Variants in FRMPD4 observed in about 807,000 individuals in gnomAD.
The protein encoded by FRMPD4 is FERM and PDZ domain-containing protein 4.
Under a neutral mutation model 94.1 loss-of-function variants are expected in FRMPD4, and 22 were observed. The observed-to-expected ratio is 0.23, with a 90% CI of 0.17 to 0.33. The LOEUF (loss-of-function observed/expected upper bound fraction) is 0.33. Among genes scored for constraint, FRMPD4 ranks in the 10% least tolerant of loss-of-function variants. FRMPD4 has a pLI of 1.00. For synonymous variants in FRMPD4, 631 were observed against 548.6 expected (o/e 1.15, Z -2.10); for missense variants, 1,111 against 1,339.9 (o/e 0.83, Z 2.67).
chrX:12,488,913 G>A (rs1474334963), intron 1 of FRMPD4, among the ~76,000 whole-genome samples: 1 of 112,047 alleles, frequency 8.9e-6, no homozygotes, highest in Non-Finnish European at 1.9e-5. Flanking sequence ...TGGCTCGAAG[G>A]CCACATGTGG....
In FRMPD4 at chrX:12,717,533, T is replaced by C; in HGVS notation, c.2707T>C (p.Ser903Pro). 8.3e-7 allele frequency: 1 copy of C among 1,203,561 alleles called. No homozygotes were observed. Among genetic ancestry groups the C allele is most frequent in the South Asian group, 1.8e-5 (1 of 56,716 alleles). ...CATCTTGCGGGCTTATAGTCCTGAGTCTTCGTCAGACTCGGGCAATGAAAC... is the reference window on the plus strand; with the variant it reads ...CATCTTGCGGGCTTATAGTCCTGAGCCTTCGTCAGACTCGGGCAATGAAAC... Reference protein sequence around the residue: ...VAILRAYSPESSSDSGNETNS... With the variant: ...VAILRAYSPEPSSDSGNETNS... The change falls in exon 16 of 17, where the codon TCT (serine) becomes CCT (proline). Residue 903 changes from serine (S) to proline (P), a missense_variant. This residue lies in a region of FRMPD4 where 74 missense variants were observed against 93.9 expected (regional missense o/e 0.79). Coordinates refer to ENST00000675598, the MANE Select transcript of FRMPD4 (RefSeq NM_001368397.1).
chrX:12,387,132 G>C (rs937478419), intron 1 of FRMPD4, among the ~76,000 whole-genome samples: 18 of 111,931 alleles, frequency 1.6e-4, no homozygotes, highest in Non-Finnish European at 2.8e-4. Context: ...TAAAACAATA[G>C]GGAAGCCATC....
chrX:12,172,219 G>A (rs1601658439), intron 1 of FRMPD4, among the ~76,000 whole-genome samples: 1 of 107,698 alleles, frequency 9.3e-6, no homozygotes, highest in Admixed American at 1.0e-4. Context: ...GAGTTTAGCA[G>A]CCTGAAGCCA....
intron 1 of FRMPD4, among the ~76,000 whole-genome samples, chrX:12,281,541 A>C (rs979714597): frequency 9.1e-6 from 1 of 109,695 alleles, no homozygotes; most frequent in Admixed American, 9.7e-5. Flanking sequence ...TGCCTGGCTA[A>C]TTTTTGTGTT....
chrX:12,320,303 G>A (rs1375785538), intron 1 of FRMPD4, among the ~76,000 whole-genome samples: 3 of 111,394 alleles, frequency 2.7e-5, no homozygotes, highest in Non-Finnish European at 5.7e-5. Flanking sequence ...AAAGAGGACA[G>A]GGGACTTCTT....
At chrX:12,177,996 G>A (rs1006159178) in intron 1 of FRMPD4, among the ~76,000 whole-genome samples, 1 of 111,730 alleles carries the variant, frequency 9.0e-6, no homozygotes, top group Non-Finnish European at 1.9e-5. Context: ...CAGTGTGTGT[G>A]TCCTTCACAA....
In FRMPD4 at chrX:11,867,434, T is replaced by A. The variant is rs1162864650; in HGVS notation, c.-30+2218T>A. ...GTGAATTCACTTAACAAGGCATATA[T>A]CAGCTGCAACAGAATGAACGTATTG... On this transcript the variant is annotated intron_variant, in intron 2 of 18. Coordinates refer to the FRMPD4 transcript ENST00000640291. Among the ~76,000 whole-genome samples the A allele has an allele frequency of 3.6e-5, 4 of 111,360 alleles. No homozygotes were observed. The East Asian group carries it at 8.4e-4, about 23-fold the overall frequency.
intron 1 of FRMPD4, among the ~76,000 whole-genome samples, chrX:11,850,645 T>C (rs1961559458): frequency 8.9e-6 from 1 of 112,061 alleles, no homozygotes; most frequent in Non-Finnish European, 1.9e-5. Flanking sequence ...TCCTGAAACA[T>C]GATACAACAT....
chrX:12,390,817 T>C (rs2056464610), intron 1 of FRMPD4, among the ~76,000 whole-genome samples: 1 of 112,423 alleles, frequency 8.9e-6, no homozygotes, highest in Non-Finnish European at 1.9e-5. Flanking sequence ...CCTAATTTTC[T>C]TTCTGCTCAC....
intron 1 of FRMPD4, among the ~76,000 whole-genome samples, chrX:11,834,426 C>T (rs778578035): frequency 4.5e-5 from 5 of 112,028 alleles, no homozygotes; most frequent in East Asian, 5.6e-4. Context: ...GTACCCCTCA[C>T]GTGACAATTA....
At chrX:12,328,013 A>G (rs113793807) in intron 1 of FRMPD4, among the ~76,000 whole-genome samples, 18 of 111,260 alleles carry the variant, frequency 1.6e-4, no homozygotes, top group East Asian at 2.8e-4. Flanking sequence ...GCTTTGGCCA[A>G]TGGAATGCAG....
At chrX:11,861,040 T>A (rs1047495187) in intron 1 of FRMPD4, among the ~76,000 whole-genome samples, 8 of 112,318 alleles carry the variant, frequency 7.1e-5, no homozygotes, top group Non-Finnish European at 5.6e-5. Context: ...AAGAAGTTAG[T>A]CTCTGTCATG....
intron 1 of FRMPD4, among the ~76,000 whole-genome samples, chrX:12,496,568 G>A (rs975488431): frequency 8.9e-6 from 1 of 112,268 alleles, no homozygotes; most frequent in Non-Finnish European, 1.9e-5. Context: ...CATAGGAACC[G>A]GAGCCAAATC....
intron 1 of FRMPD4, among the ~76,000 whole-genome samples, chrX:12,148,667 A>G (rs886796378): frequency 3.5e-5 from 4 of 112,798 alleles, no homozygotes; most frequent in Non-Finnish European, 7.5e-5. Flanking sequence ...AGAAGATGCC[A>G]TCTAGGACTT....
intron 3 of FRMPD4, among the ~76,000 whole-genome samples, chrX:11,917,909 AG>A (rs1430373212): frequency 3.6e-5 from 4 of 110,789 alleles, no homozygotes; most frequent in Non-Finnish European, 7.6e-5. Context: ...AAAAGATAAT[AG>A]CCATCAAAAG....
intron 1 of FRMPD4, among the ~76,000 whole-genome samples, chrX:12,153,837 T>TCTC: frequency 8.9e-6 from 1 of 112,605 alleles, no homozygotes; most frequent in Non-Finnish European, 1.9e-5. Context: ...GTTTTTACAT[T>TCTC]TTTAAATGGT....
At chrX:12,320,668 T>A (rs1350312972) in intron 1 of FRMPD4, among the ~76,000 whole-genome samples, 1 of 111,745 alleles carries the variant, frequency 8.9e-6, no homozygotes, top group Non-Finnish European at 1.9e-5. Flanking sequence ...TCACCAGTGT[T>A]CTAAAGGGGC....
At chrX:12,618,415 C>T (rs2059255734) in intron 4 of FRMPD4, among the ~76,000 whole-genome samples, 2 of 111,405 alleles carry the variant, frequency 1.8e-5, no homozygotes, top group African/African-American at 6.5e-5. Context: ...TAATTAATTT[C>T]CATATATTTA....
At chrX:11,988,390 G>A (rs2054445194) in intron 3 of FRMPD4, among the ~76,000 whole-genome samples, 1 of 112,115 alleles carries the variant, frequency 8.9e-6, no homozygotes, top group Non-Finnish European at 1.9e-5. Flanking sequence ...TCCATATGCA[G>A]AAGAATGAAA....
Sources: allele counts gnomAD v4.1 joint callset (sites outside exome capture counted in the v4.1 genomes callset), GRCh38; gene constraint gnomAD v4.1.1; regional missense constraint gnomAD v4.1.1; transcripts MANE v1.5; gene names NCBI Gene and HGNC (gene_info 2026-07-23, HGNC 2026-07-21).